Variants in GRAMD1C observed in about 807,000 individuals in gnomAD.
GRAMD1C encodes the protein GRAM domain containing 1C.
GRAMD1C carries 89 observed loss-of-function variants against 97.8 expected under a neutral mutation model. The ratio of observed to expected loss-of-function variants is 0.91; its 90% CI spans 0.77 to 1.09. The LOEUF (loss-of-function observed/expected upper bound fraction) is 1.09. Ranked by LOEUF, GRAMD1C falls within the 50% of genes least tolerant of loss-of-function variation. The probability of loss-of-function intolerance (pLI) is 0.00; values close to 1 mark genes in which losing one functional copy is unlikely to be tolerated. For synonymous variants in GRAMD1C, 256 were observed against 267.0 expected, an observed-to-expected ratio of 0.96 and a Z score of 0.40; for missense variants, 740 against 766.4, an observed-to-expected ratio of 0.97 and a Z score of 0.41.
intron 2 of GRAMD1C, among the ~76,000 whole-genome samples, chr3:113,851,985 C>T (rs1007925743): frequency 1.3e-5 from 2 of 152,178 alleles, no homozygotes; most frequent in African/African-American, 4.8e-5. Flanking sequence ...TCTCGTGCCT[C>T]AGCCTCCCGG....
chr3:113,850,598 G>A (rs902813711), intron 2 of GRAMD1C: 291 of 1,607,522 alleles, frequency 1.8e-4, no homozygotes, highest in Middle Eastern at 2.0e-4. Flanking sequence ...TGGCCTTCAT[G>A]ACATGAAGGT....
chr3:113,870,537 T>G (rs545554425), intron 3 of GRAMD1C, among the ~76,000 whole-genome samples: 2 of 152,232 alleles, frequency 1.3e-5, no homozygotes, highest in Admixed American at 6.5e-5. Context: ...GAGACTATAG[T>G]TAACAGTAAT....
rs78240694 is a variant in GRAMD1C, at chr3:113,876,296, G to A, written c.459+36G>A. On this transcript the variant is annotated intron_variant, in intron 5 of 17. Transcript: ENST00000358160. Reference sequence around the variant, plus strand: ...TCCTATCTTTGTTATATTACATAATGTGAAGAAAATCTCCCTCATACTCAT... The same window carrying A: ...TCCTATCTTTGTTATATTACATAATATGAAGAAAATCTCCCTCATACTCAT... 1.9e-3 allele frequency: 2,152 copies of A among 1,145,620 alleles called. 19 individuals are homozygous for A. The African/African-American group carries it at 0.03, about 16-fold the overall frequency. 71.0% of individuals were successfully genotyped at this position (1,145,620 alleles called of 1,614,324 possible).
intron 8 of GRAMD1C, among the ~76,000 whole-genome samples, chr3:113,907,249 T>C (rs983051060): frequency 6.6e-5 from 10 of 152,170 alleles, no homozygotes; most frequent in African/African-American, 1.7e-4. Flanking sequence ...TCTGAGTAAA[T>C]GTTGGGAAAA....
intron 9 of GRAMD1C, among the ~76,000 whole-genome samples, chr3:113,914,395 A>T (rs1936724447): frequency 6.6e-6 from 1 of 152,192 alleles, no homozygotes; most frequent in Admixed American, 6.5e-5. Flanking sequence ...CCAATGAGGG[A>T]TAAACAGCAG....
intron 3 of GRAMD1C, among the ~76,000 whole-genome samples, chr3:113,874,250 A>G (rs1366776534): frequency 1.3e-5 from 2 of 152,212 alleles, no homozygotes; most frequent in Admixed American, 6.5e-5. Context: ...ATTTAGCAGT[A>G]CAGTTTACAT....
intron 7 of GRAMD1C, among the ~76,000 whole-genome samples, chr3:113,902,125 T>G (rs1199886339): frequency 1.3e-5 from 2 of 152,218 alleles, no homozygotes; most frequent in Non-Finnish European, 2.9e-5. Context: ...GATTATATCT[T>G]AAAAGCTGTT....
At chr3:113,937,409 A>C (rs999979132) in intron 14 of GRAMD1C, among the ~76,000 whole-genome samples, 3 of 152,166 alleles carry the variant, frequency 2.0e-5, no homozygotes, top group Non-Finnish European at 2.9e-5. Flanking sequence ...TTAACTAGGG[A>C]AGCATTTTAT....
chr3:113,864,738 C>T (rs1473013924), intron 2 of GRAMD1C, among the ~76,000 whole-genome samples: 1 of 152,200 alleles, frequency 6.6e-6, no homozygotes, highest in African/African-American at 2.4e-5. Flanking sequence ...TAAGTAATCT[C>T]TAAGAAGTTT....
At chr3:113,857,701 T>A (rs1381136224) in intron 2 of GRAMD1C, among the ~76,000 whole-genome samples, 1 of 152,174 alleles carries the variant, frequency 6.6e-6, no homozygotes, top group African/African-American at 2.4e-5. Context: ...TAAGAGTTTT[T>A]AATCACAAAT....
At chr3:113,868,036 ATTCT>A (rs1934651280) in intron 2 of GRAMD1C, among the ~76,000 whole-genome samples, 1 of 151,998 alleles carries the variant, frequency 6.6e-6, no homozygotes, top group East Asian at 1.9e-4. Context: ...AAGTTCACGT[ATTCT>A]TTCTGTCATT....
intron 14 of GRAMD1C, chr3:113,936,694 T>C (rs1318005336): frequency 3.2e-6 from 1 of 314,570 alleles, no homozygotes; most frequent in Admixed American, 4.8e-5. Context: ...GACATTAAAC[T>C]TTTTTTAAAA....
At chr3:113,880,555 A>C (rs897762850) in intron 5 of GRAMD1C, among the ~76,000 whole-genome samples, 1 of 152,104 alleles carries the variant, frequency 6.6e-6, no homozygotes, top group African/African-American at 2.4e-5. Context: ...GTTTCTTTCT[A>C]ATATTTTATT....
At position 113,895,686 on chromosome 3, in the gene GRAMD1C, T is replaced by C. The variant is rs954038808; in HGVS notation, c.541-5345T>C. ...TGGCAGTATAGAAGTGTTTGTATTA[T>C]ATAATTCCCTCTTTTTTACCTTCTT... On this transcript the variant is annotated intron_variant, in intron 6 of 17. Transcript: ENST00000358160. 4.6e-5 allele frequency among the ~76,000 whole-genome samples: 7 copies of C among 152,206 alleles called. No individual in the cohort carries two copies. The South Asian group carries it at 1.0e-3, about 22-fold the overall frequency.
chr3:113,839,941 GA>G (rs1303118456), intron 1 of GRAMD1C, among the ~76,000 whole-genome samples: 1 of 152,094 alleles, frequency 6.6e-6, no homozygotes, highest in Admixed American at 6.5e-5. Flanking sequence ...TTCAGGTGTA[GA>G]AACTGATGAT....
At chr3:113,890,672 C>T in intron 6 of GRAMD1C, 1 of 672,998 alleles carries the variant, frequency 1.5e-6, no homozygotes, top group Non-Finnish European at 2.7e-6. Flanking sequence ...CTCATTCTAG[C>T]AAGGCACCAG....
rs1298900842 is a variant in GRAMD1C at position 113,887,167 on chromosome 3, G to A, written c.540+4335G>A. On this transcript the variant is annotated intron_variant, in intron 6 of 17. Transcript: ENST00000358160. ...GGAGTGCAGTGGTGGCACAATCTCA[G>A]ACAACCTCCGTCTCACAGGTGCAAG... 3.7e-5 allele frequency among the ~76,000 whole-genome samples: 5 copies of A among 136,210 alleles called. No homozygotes were observed. The Admixed American group carries it at 4.2e-4, about 11-fold the overall frequency. The allele number at this position is 136,210 out of a possible 152,430, so 89.4% of individuals were successfully genotyped here.
At chr3:113,907,524 T>A (rs532978915) in intron 8 of GRAMD1C, among the ~76,000 whole-genome samples, 39 of 152,304 alleles carry the variant, frequency 2.6e-4, no homozygotes, top group African/African-American at 9.1e-4. Flanking sequence ...TTTTTTTCTG[T>A]TTGCATTCAA....
chr3:113,887,915 A>G (rs536325692), intron 6 of GRAMD1C, among the ~76,000 whole-genome samples: 3 of 152,186 alleles, frequency 2.0e-5, no homozygotes, highest in South Asian at 4.1e-4. Context: ...GTACTTAGAA[A>G]GTCACAAACT....
Sources: allele counts gnomAD v4.1 joint callset (sites outside exome capture counted in the v4.1 genomes callset), GRCh38; gene constraint gnomAD v4.1.1; transcripts MANE v1.5; gene names NCBI Gene and HGNC (gene_info 2026-07-23, HGNC 2026-07-21).